Variants in GALNT13 observed in about 807,000 individuals in gnomAD.
GALNT13 encodes polypeptide N-acetylgalactosaminyltransferase 13, also known as UDP-GalNAc:polypeptide N-acetylgalactosaminyltransferase 13.
In GALNT13, 28 loss-of-function variants were observed where a neutral mutation model predicts 64.2. The observed-to-expected ratio is 0.44, with a 90% CI of 0.32 to 0.60. The LOEUF is 0.60. Among genes scored for constraint, GALNT13 ranks in the 20% least tolerant of loss-of-function variants. The pLI is 0.05. For missense variants in GALNT13, 577 were observed against 669.8 expected (o/e 0.86, Z 1.53); for synonymous variants, 214 against 224.6 (o/e 0.95, Z 0.42).
chr2:153,608,277 G>A, the GALNT13 span, among the ~76,000 whole-genome samples: 5 of 152,128 alleles, frequency 3.3e-5, no homozygotes, highest in African/African-American at 9.6e-5. Context: ...ACATTTCTTC[G>A]AGGGCTTAAT....
chr2:154,270,334 A>C (rs1365882159), intron 8 of GALNT13, among the ~76,000 whole-genome samples: 1 of 151,918 alleles, frequency 6.6e-6, no homozygotes, highest in Non-Finnish European at 1.5e-5. Flanking sequence ...AAAGCACTTA[A>C]AGTTGTTTAG....
chr2:153,225,624 T>C, the GALNT13 span, among the ~76,000 whole-genome samples: 2 of 152,130 alleles, frequency 1.3e-5, no homozygotes, highest in Non-Finnish European at 2.9e-5. Context: ...AATAAATAAA[T>C]ACAGCAAGGT....
intron 2 of GALNT13, among the ~76,000 whole-genome samples, chr2:153,938,009 T>A (rs899062099): frequency 6.6e-6 from 1 of 152,204 alleles, no homozygotes; most frequent in Non-Finnish European, 1.5e-5. Context: ...AGTAGATGGA[T>A]GTAGGGATAC....
intron 11 of GALNT13, 21 bp from the exon 12 acceptor site, chr2:154,438,571 T>A: frequency 1.9e-6 from 3 of 1,581,670 alleles, no homozygotes; most frequent in Non-Finnish European, 2.6e-6. Context: ...TTTTTTTTAT[T>A]AGCTGAATTT....
At chr2:153,720,243 T>C in the GALNT13 span, among the ~76,000 whole-genome samples, 3,547 of 145,080 alleles carry the variant, frequency 0.024, 405 homozygotes, top group African/African-American at 0.09. Flanking sequence ...GACCTGAAGC[T>C]GAGGGTCCTG....
At chr2:153,559,488 G>C in the GALNT13 span, among the ~76,000 whole-genome samples, 7 of 152,006 alleles carry the variant, frequency 4.6e-5, no homozygotes, top group African/African-American at 1.7e-4. Context: ...AATAATTATA[G>C]TAATGTATAT....
At chr2:153,075,913 G>A in the GALNT13 span, among the ~76,000 whole-genome samples, 2 of 152,024 alleles carry the variant, frequency 1.3e-5, no homozygotes, top group East Asian at 3.9e-4. Context: ...ACTATAAAAT[G>A]TAAACTGGGA....
chr2:153,096,653 T>A, the GALNT13 span, among the ~76,000 whole-genome samples: 1 of 152,188 alleles, frequency 6.6e-6, no homozygotes, highest in Non-Finnish European at 1.5e-5. Flanking sequence ...GGCCTTGGAA[T>A]CTATTTTGTC....
At chr2:154,217,920 G>T (rs1688132747) in intron 4 of GALNT13, among the ~76,000 whole-genome samples, 1 of 152,092 alleles carries the variant, frequency 6.6e-6, no homozygotes, top group Non-Finnish European at 1.5e-5. Flanking sequence ...TGTCCGGAAT[G>T]AGATCTAGGT....
intron 10 of GALNT13, among the ~76,000 whole-genome samples, chr2:154,397,158 G>A (rs1179665480): frequency 6.6e-6 from 1 of 152,004 alleles, no homozygotes; most frequent in Non-Finnish European, 1.5e-5. Flanking sequence ...TAAATAGGCC[G>A]GGAGCAGTGG....
chr2:153,792,414 T>G, the GALNT13 span, among the ~76,000 whole-genome samples: 1 of 152,184 alleles, frequency 6.6e-6, no homozygotes, highest in African/African-American at 2.4e-5. Context: ...GTGCATGGGT[T>G]ATATGCAAAT....
chr2:153,745,528 T>G, the GALNT13 span, among the ~76,000 whole-genome samples: 1 of 152,112 alleles, frequency 6.6e-6, no homozygotes, highest in Admixed American at 6.6e-5. Context: ...GGCAGGTAAT[T>G]TTTATTATTT....
chr2:154,250,845 T>C (rs958983044), intron 7 of GALNT13, among the ~76,000 whole-genome samples: 15 of 152,150 alleles, frequency 9.9e-5, no homozygotes, highest in East Asian at 5.8e-4. Flanking sequence ...TTAAAACACT[T>C]CTATAAAATA....
chr2:153,634,420 A>C, the GALNT13 span, among the ~76,000 whole-genome samples: 2 of 151,792 alleles, frequency 1.3e-5, no homozygotes, highest in Non-Finnish European at 2.9e-5. Context: ...TCTTGATGAC[A>C]TCTACTCTGA....
chr2:154,140,269 C>A, intron 3 of GALNT13, 68 bp from the exon 4 acceptor site: 2 of 1,174,204 alleles, frequency 1.7e-6, no homozygotes, highest in Non-Finnish European at 2.4e-6. Flanking sequence ...ATCAGACACA[C>A]AAGTTTATTT....
At chr2:153,246,806 T>G in the GALNT13 span, among the ~76,000 whole-genome samples, 8 of 152,190 alleles carry the variant, frequency 5.3e-5, no homozygotes, top group Non-Finnish European at 1.2e-4. Context: ...AATGTTAACC[T>G]TAAATGCAAA....
chr2:153,371,448 T>C, the GALNT13 span, among the ~76,000 whole-genome samples: 2 of 152,174 alleles, frequency 1.3e-5, no homozygotes, highest in African/African-American at 4.8e-5. Context: ...AAAAAGTTTA[T>C]AGCACTAAGA....
chr2:154,430,775 A>G (rs1311160300), intron 11 of GALNT13, among the ~76,000 whole-genome samples: 1 of 152,174 alleles, frequency 6.6e-6, no homozygotes, highest in Non-Finnish European at 1.5e-5. Flanking sequence ...TAAAATTACT[A>G]CATCCACCTA....
At chr2:154,058,454 T>G (rs561339922) in intron 3 of GALNT13, among the ~76,000 whole-genome samples, 1 of 152,340 alleles carries the variant, frequency 6.6e-6, no homozygotes, top group East Asian at 1.9e-4. Context: ...TAGAATATTA[T>G]AAGGCAACGA....
Sources: gnomAD v4.1 joint callset for allele counts (sites outside exome capture counted in the v4.1 genomes callset) on GRCh38, gnomAD v4.1.1 for gene constraint, MANE v1.5 for transcripts, NCBI Gene and HGNC (gene_info 2026-07-23, HGNC 2026-07-21) for gene names.